The following SKAP2 variants were observed in gnomAD, a reference collection of about 807,000 sequenced individuals.
SKAP2 encodes the protein src kinase-associated phosphoprotein 2.
In SKAP2, 28 loss-of-function variants were observed where a neutral mutation model predicts 54.9. The ratio of observed to expected loss-of-function variants is 0.51; its 90% confidence interval spans 0.38 to 0.70. The LOEUF is 0.70. Among genes scored for constraint, SKAP2 ranks in the 30% least tolerant of loss-of-function variants. The pLI is 0.00. For synonymous variants in SKAP2, 137 were observed against 134.3 expected, an observed-to-expected ratio of 1.02 and a Z score of -0.14; for missense variants, 356 against 424.1, an observed-to-expected ratio of 0.84 and a Z score of 1.41.
At chr7:26,705,114 T>C (rs1021718759) in intron 9 of SKAP2, among the ~76,000 whole-genome samples, 1 of 152,212 alleles carries the variant, frequency 6.6e-6, no homozygotes, top group Non-Finnish European at 1.5e-5. Flanking sequence ...GTCTAGGCAG[T>C]GCCAGAGCTC....
chr7:26,764,794 G>A (rs962547530), intron 4 of SKAP2, among the ~76,000 whole-genome samples: 11 of 151,952 alleles, frequency 7.2e-5, no homozygotes, highest in African/African-American at 2.7e-4. Flanking sequence ...CTCGTGATCC[G>A]CCCACCTCGG....
chr7:26,860,402 A>G (rs537684992), intron 1 of SKAP2, among the ~76,000 whole-genome samples: 1 of 152,280 alleles, frequency 6.6e-6, no homozygotes, highest in Admixed American at 6.5e-5. Flanking sequence ...CTAGAAAAGA[A>G]TATCTTGGAG....
intron 11 of SKAP2, among the ~76,000 whole-genome samples, chr7:26,675,337 C>A (rs1266887438): frequency 6.6e-6 from 1 of 152,194 alleles, no homozygotes; most frequent in Non-Finnish European, 1.5e-5. Context: ...CATCTCCTCT[C>A]CCTCAGCCAA....
chr7:26,725,622 A>G, intron 8 of SKAP2, 57 bp from the exon 9 acceptor site: 4 of 1,428,752 alleles, frequency 2.8e-6, no homozygotes, highest in Non-Finnish European at 2.8e-6. Context: ...TATTTTTAAA[A>G]CTATACTTTA....
At chr7:26,791,145 A>G (rs1047728418) in intron 4 of SKAP2, among the ~76,000 whole-genome samples, 1 of 152,224 alleles carries the variant, frequency 6.6e-6, no homozygotes, top group African/African-American at 2.4e-5. Context: ...TGCTTCAGCC[A>G]GCATTATCAT....
chr7:26,754,939 C>G (rs1204815139), intron 4 of SKAP2, among the ~76,000 whole-genome samples: 1 of 152,154 alleles, frequency 6.6e-6, no homozygotes, highest in East Asian at 1.9e-4. Flanking sequence ...ACACATCCCG[C>G]TAAAATTCCA....
intron 4 of SKAP2, among the ~76,000 whole-genome samples, chr7:26,760,590 A>G (rs1038613178): frequency 2.6e-5 from 4 of 152,168 alleles, no homozygotes; most frequent in Non-Finnish European, 5.9e-5. Flanking sequence ...AAACAATTAT[A>G]TTAATAATAA....
At chr7:26,758,419 A>G (rs1002960753) in intron 4 of SKAP2, among the ~76,000 whole-genome samples, 10 of 152,206 alleles carry the variant, frequency 6.6e-5, no homozygotes, top group Non-Finnish European at 1.3e-4. Context: ...TTATAGTACA[A>G]TGATACAATT....
intron 9 of SKAP2, among the ~76,000 whole-genome samples, chr7:26,717,697 G>GT (rs1787483707): frequency 6.6e-6 from 1 of 150,776 alleles, no homozygotes; most frequent in South Asian, 2.1e-4. Context: ...GCTGGGCGTG[G>GT]TGGCGCATGC....
intron 4 of SKAP2, among the ~76,000 whole-genome samples, chr7:26,815,203 G>A (rs554858163): frequency 3.4e-4 from 51 of 151,924 alleles, no homozygotes; most frequent in Non-Finnish European, 2.2e-4. Context: ...GGAAATGACT[G>A]CAGTAATAAC....
chr7:26,824,835 C>A (rs1481311449), intron 4 of SKAP2, among the ~76,000 whole-genome samples: 3 of 152,052 alleles, frequency 2.0e-5, no homozygotes, highest in Non-Finnish European at 2.9e-5. Flanking sequence ...GATTGCCAAC[C>A]CCTGATCTAG....
the SKAP2 span, among the ~76,000 whole-genome samples, chr7:26,656,442 T>C: frequency 1.3e-5 from 2 of 152,266 alleles, no homozygotes; most frequent in East Asian, 3.8e-4. Flanking sequence ...TCCACTGTTA[T>C]ACTGTTTCCA....
chr7:26,702,498 G>A (rs1332119016), intron 9 of SKAP2, among the ~76,000 whole-genome samples: 1 of 152,022 alleles, frequency 6.6e-6, no homozygotes, highest in Non-Finnish European at 1.5e-5. Context: ...ATTGTTTATT[G>A]CTCTCTCTCC....
chr7:26,748,925 A>T (rs899182971), intron 4 of SKAP2, among the ~76,000 whole-genome samples: 1 of 152,172 alleles, frequency 6.6e-6, no homozygotes, highest in African/African-American at 2.4e-5. Flanking sequence ...ACTTGATTTC[A>T]TTAAGCTTTA....
intron 4 of SKAP2, among the ~76,000 whole-genome samples, chr7:26,821,452 G>T (rs1028882959): frequency 6.6e-6 from 1 of 152,146 alleles, no homozygotes; most frequent in Non-Finnish European, 1.5e-5. Flanking sequence ...AATTCTCCTG[G>T]TTTACCTGTG....
chr7:26,818,084 C>T (rs1784309785), intron 4 of SKAP2, among the ~76,000 whole-genome samples: 2 of 152,116 alleles, frequency 1.3e-5, no homozygotes, highest in South Asian at 2.1e-4. Context: ...TTAGAAAAAA[C>T]TACTTTAAAT....
At chr7:26,791,574 T>G (rs1322737425) in intron 4 of SKAP2, among the ~76,000 whole-genome samples, 1 of 152,196 alleles carries the variant, frequency 6.6e-6, no homozygotes, top group Admixed American at 6.5e-5. Context: ...TGACTAACAA[T>G]TAGGTAACTA....
rs1021824509 is a variant in SKAP2, at chr7:26,669,451, T to C, written c.*215A>G. On this transcript the variant is annotated 3_prime_UTR_variant, in exon 13 of 13. Transcript: ENST00000345317. ...TTTCTTTGCAAAATAGCAACAGGTA[T>C]AACTTAACTGGTTGCATCTAATTTA... is the stretch of plus-strand genomic sequence containing the variant. The C allele has an allele frequency of 3.9e-5, 6 of 152,192 alleles. No homozygotes were observed. Among genetic ancestry groups the C allele is most frequent in the Non-Finnish European group, 7.3e-5 (5 of 68,030 alleles). 9.4% of individuals were successfully genotyped at this position (152,192 alleles called of 1,614,324 possible).
chr7:26,710,855 T>C (rs1183023844), intron 9 of SKAP2, among the ~76,000 whole-genome samples: 1 of 152,204 alleles, frequency 6.6e-6, no homozygotes, highest in Admixed American at 6.5e-5. Context: ...AATTCTTTTA[T>C]ATACGTTGTC....
Sources: gnomAD v4.1 joint callset for allele counts (sites outside exome capture counted in the v4.1 genomes callset) on GRCh38, gnomAD v4.1.1 for gene constraint, MANE v1.5 for transcripts, NCBI Gene and HGNC (gene_info 2026-07-23, HGNC 2026-07-21) for gene names.